The following MAGI2 variants were observed in gnomAD, a reference collection of about 807,000 sequenced individuals.
MAGI2 encodes the protein membrane-associated guanylate kinase, WW and PDZ domain-containing protein 2.
Under a neutral mutation model 133.3 loss-of-function variants are expected in MAGI2, and 35 were observed. The observed-to-expected ratio is 0.26, with a 90% CI of 0.20 to 0.35. The LOEUF (loss-of-function observed/expected upper bound fraction) is 0.35, where lower values mean the gene tolerates loss of function less well. Ranked by LOEUF, MAGI2 falls within the 10% of genes least tolerant of loss-of-function variation. MAGI2 has a pLI of 1.00. For synonymous variants in MAGI2, 729 were observed against 710.6 expected (o/e 1.03, Z -0.41); for missense variants, 1,636 against 1,863.4 (o/e 0.88, Z 2.25).
In MAGI2 at chr7:79,088,703, A is replaced by T. The variant is rs576599380; in HGVS notation, c.302-81497T>A. 2.0e-3 allele frequency among the ~76,000 whole-genome samples: 297 copies of T among 152,118 alleles called. 1 individual carries two copies. The highest frequency in any genetic ancestry group is 6.9e-3 in the African/African-American group (285 of 41,510). ...TGTTCCATCAGTACCTAGTTTATTG[A>T]GAGTTTTCAGCATGAAGTGGTGTTA... On this transcript the variant is annotated intron_variant, in intron 1 of 21. Transcript: ENST00000354212.
At chr7:79,241,983 C>A (rs1266263218) in intron 1 of MAGI2, among the ~76,000 whole-genome samples, 2 of 152,160 alleles carry the variant, frequency 1.3e-5, no homozygotes, top group African/African-American at 2.4e-5. Flanking sequence ...TGCCTGCCAA[C>A]CCTAGCCTGT....
At chr7:78,325,793 G>A (rs1788523970) in intron 9 of MAGI2, among the ~76,000 whole-genome samples, 2 of 152,216 alleles carry the variant, frequency 1.3e-5, no homozygotes, top group South Asian at 4.1e-4. Flanking sequence ...CATTGGTGCA[G>A]TGAATAAAGA....
chr7:78,631,295 C>T (rs997807694), intron 2 of MAGI2, among the ~76,000 whole-genome samples: 1 of 152,132 alleles, frequency 6.6e-6, no homozygotes, highest in Non-Finnish European at 1.5e-5. Context: ...ATCCCATCTC[C>T]AAATATTTGG....
At chr7:79,114,627 G>A (rs190478498) in intron 1 of MAGI2, among the ~76,000 whole-genome samples, 7 of 152,296 alleles carry the variant, frequency 4.6e-5, no homozygotes, top group Non-Finnish European at 1.0e-4. Flanking sequence ...CTGTAAGCAT[G>A]CTTGACTGTC....
At chr7:78,559,136 C>CAAAAA (rs71085541) in intron 3 of MAGI2, among the ~76,000 whole-genome samples, 11 of 54,728 alleles carry the variant, frequency 2.0e-4, no homozygotes, top group Non-Finnish European at 2.4e-4. Flanking sequence ...TCTGAATTTC[C>CAAAAA]AAAAAAAAAA....
At chr7:78,028,421 A>C (rs73703874) in intron 21 of MAGI2, among the ~76,000 whole-genome samples, 4,644 of 152,300 alleles carry the variant, frequency 0.03, 223 homozygotes, top group African/African-American at 0.1. Flanking sequence ...CTCTATGGCC[A>C]AAAGGGCAAA....
chr7:78,086,242 T>G (rs1583834740), intron 20 of MAGI2, among the ~76,000 whole-genome samples: 1 of 34,658 alleles, frequency 2.9e-5, no homozygotes, highest in South Asian at 1.4e-3. Context: ...ATTTTTAATG[T>G]TTTTTTTTTT....
intron 10 of MAGI2, among the ~76,000 whole-genome samples, chr7:78,227,019 AAGAG>A (rs1255085754): frequency 4.6e-5 from 7 of 152,256 alleles, no homozygotes; most frequent in Non-Finnish European, 8.8e-5. Flanking sequence ...CATCATTAAA[AAGAG>A]AGACTTAAAA....
chr7:79,191,909 G>T lies in MAGI2; in HGVS notation c.302-184703C>A, dbSNP rs190386343. 5.3e-5 allele frequency among the ~76,000 whole-genome samples: 8 copies of T among 151,616 alleles called. No homozygotes were observed. In the East Asian group the frequency reaches 5.9e-4, roughly 11 times the overall value. On this transcript the variant is annotated intron_variant, in intron 1 of 21. Coordinates refer to ENST00000354212, the MANE Select transcript of MAGI2 (RefSeq NM_012301.4). ...TGGTTGGCATCTCTAACTTCTTTCTGGCTTGAATGGAACTCTTTGGGAATG... is the reference window on the plus strand; with the variant it reads ...TGGTTGGCATCTCTAACTTCTTTCTTGCTTGAATGGAACTCTTTGGGAATG...
chr7:78,949,205 A>C (rs535532995), intron 2 of MAGI2, among the ~76,000 whole-genome samples: 64 of 152,294 alleles, frequency 4.2e-4, no homozygotes, highest in Admixed American at 6.5e-4. Flanking sequence ...TGTTTTAAAC[A>C]ATTTGCTTTA....
chr7:79,104,421 C>A (rs537069866), intron 1 of MAGI2, among the ~76,000 whole-genome samples: 4 of 152,146 alleles, frequency 2.6e-5, no homozygotes, highest in Non-Finnish European at 5.9e-5. Context: ...GTAATCCCAG[C>A]ACTTTGGGAG....
Position 78,738,739 on chromosome 7 carries a change from GT to G in MAGI2, c.419-111501del, listed in dbSNP as rs1285539283. 2.0e-5 allele frequency among the ~76,000 whole-genome samples: 3 copies of G among 152,168 alleles called. No homozygotes were observed. In the East Asian group the frequency reaches 5.8e-4, roughly 29 times the overall value. ...ATAAAATAAATGTGTGAAATGTGTT[GT>G]TGAAGAATGTCTCATATGGCTTACA... On this transcript the variant is annotated intron_variant, in intron 2 of 21. Coordinates refer to ENST00000354212, the MANE Select transcript of MAGI2 (RefSeq NM_012301.4).
chr7:79,389,872 G>C (rs1844470820), intron 1 of MAGI2, among the ~76,000 whole-genome samples: 1 of 152,102 alleles, frequency 6.6e-6, no homozygotes, highest in African/African-American at 2.4e-5. Flanking sequence ...ATAGCTTAGA[G>C]AAGTTGACAA....
At chr7:79,110,126 T>C (rs1037708343) in intron 1 of MAGI2, among the ~76,000 whole-genome samples, 2 of 151,564 alleles carry the variant, frequency 1.3e-5, no homozygotes, top group African/African-American at 2.4e-5. Flanking sequence ...GAAGGCTTGG[T>C]AGTCTCCACC....
chr7:79,370,388 A>C (rs1046147946), intron 1 of MAGI2, among the ~76,000 whole-genome samples: 1 of 152,150 alleles, frequency 6.6e-6, no homozygotes, highest in African/African-American at 2.4e-5. Context: ...GAAATAGAAA[A>C]GCCTAACATA....
chr7:79,273,718 G>C (rs11773085), intron 1 of MAGI2, among the ~76,000 whole-genome samples: 127,673 of 151,732 alleles, frequency 0.84, 53,784 homozygotes, highest in Non-Finnish European at 0.85. Context: ...TTACAGTATG[G>C]CTCACTTTAT....
intron 2 of MAGI2, among the ~76,000 whole-genome samples, chr7:78,645,051 A>T (rs1302147199): frequency 1.2e-5 from 1 of 80,266 alleles, no homozygotes; most frequent in Non-Finnish European, 3.2e-5. Flanking sequence ...TAACTAAAGC[A>T]TGTTTTATGT....
intron 3 of MAGI2, among the ~76,000 whole-genome samples, chr7:78,594,589 C>A (rs1370095982): frequency 6.6e-6 from 1 of 152,134 alleles, no homozygotes; most frequent in African/African-American, 2.4e-5. Context: ...TCCTGAGTAG[C>A]TGGGATTACA....
intron 21 of MAGI2, among the ~76,000 whole-genome samples, chr7:78,070,574 G>GTATATATGTGTA (rs201552883): frequency 2.9e-5 from 2 of 68,612 alleles, no homozygotes; most frequent in African/African-American, 8.9e-5. Flanking sequence ...ATATATGTGT[G>GTATATATGTGTA]TATATATGTG....
Sources: allele counts gnomAD v4.1 joint callset (sites outside exome capture counted in the v4.1 genomes callset), GRCh38; gene constraint gnomAD v4.1.1; transcripts MANE v1.5; gene names NCBI Gene and HGNC (gene_info 2026-07-23, HGNC 2026-07-21).